The following ABHD17C variants were observed in gnomAD, a reference collection of about 807,000 sequenced individuals.
ABHD17C encodes alpha/beta hydrolase domain-containing protein 17C.
Under a neutral mutation model 27.9 loss-of-function variants are expected in ABHD17C, and 11 were observed. That is an observed-to-expected ratio of 0.39 (90% CI 0.25 to 0.65). The LOEUF (loss-of-function observed/expected upper bound fraction) is 0.65. Among genes scored for constraint, ABHD17C ranks in the 30% least tolerant of loss-of-function variants. The probability of loss-of-function intolerance (pLI) is 0.45; values close to 1 mark genes in which losing one functional copy is unlikely to be tolerated. For synonymous variants in ABHD17C, 233 were observed against 209.1 expected (o/e 1.11, Z -0.98); for missense variants, 280 against 470.2 (o/e 0.60, Z 3.74).
intron 1 of ABHD17C, among the ~76,000 whole-genome samples, chr15:80,735,078 T>A (rs2141513796): frequency 6.6e-6 from 1 of 152,312 alleles, no homozygotes; most frequent in East Asian, 1.9e-4. Context: ...GGCTGCTACT[T>A]CCGGCCACTT....
At position 80,753,465 on chromosome 15, in the gene ABHD17C, T is replaced by C. The variant is rs541332585; in HGVS notation, c.771-686T>C. On this transcript the variant is annotated intron_variant, in intron 2 of 2. Transcript: ENST00000258884. ...AGTTTTGACAGATGTATCACGGTAA[T>C]GTACAATGTTAACCTTACAGGAAAT... Among the ~76,000 whole-genome samples the C allele has an allele frequency of 5.3e-5, 8 of 152,358 alleles. No individual in the cohort carries two copies. The East Asian group carries it at 1.3e-3, about 26-fold the overall frequency.
At chr15:80,729,576 T>C (rs533427374) in intron 1 of ABHD17C, among the ~76,000 whole-genome samples, 1 of 152,330 alleles carries the variant, frequency 6.6e-6, no homozygotes, top group East Asian at 1.9e-4. Flanking sequence ...AAAACAGTTC[T>C]TGACTACCTT....
chr15:80,711,469 T>C (rs904198235), intron 1 of ABHD17C, among the ~76,000 whole-genome samples: 1 of 152,178 alleles, frequency 6.6e-6, no homozygotes, highest in Non-Finnish European at 1.5e-5. Context: ...TGATTTCCCA[T>C]AGGAGGCTCT....
chr15:80,730,646 T>A (rs1356192765), intron 1 of ABHD17C, among the ~76,000 whole-genome samples: 1 of 152,042 alleles, frequency 6.6e-6, no homozygotes, highest in East Asian at 1.9e-4. Context: ...GACACCAAGG[T>A]TGAGAATGTG....
intron 1 of ABHD17C, among the ~76,000 whole-genome samples, chr15:80,703,881 C>A (rs2141490496): frequency 6.6e-6 from 1 of 152,306 alleles, no homozygotes; most frequent in Non-Finnish European, 1.5e-5. Flanking sequence ...ATCTGGTTTA[C>A]ATTATGTTTT....
intron 1 of ABHD17C, among the ~76,000 whole-genome samples, chr15:80,719,759 T>G (rs1262532898): frequency 6.6e-6 from 1 of 152,206 alleles, no homozygotes; most frequent in Non-Finnish European, 1.5e-5. Flanking sequence ...CATGATTTCT[T>G]TATATTACAT....
At position 80,755,556 on chromosome 15, in the gene ABHD17C, T is replaced by C. The variant is rs3825793; in HGVS notation, c.*1186T>C. The C allele has an allele frequency of 1.3e-5, 2 of 152,086 alleles. No homozygotes were observed. The highest frequency in any genetic ancestry group is 4.8e-5 in the African/African-American group (2 of 41,412). 9.4% of individuals were successfully genotyped at this position (152,086 alleles called of 1,614,324 possible). On this transcript the variant is annotated 3_prime_UTR_variant, in exon 3 of 3. Transcript: ENST00000258884. ...CAACTGGACTGCGGTTGATTGCCAG[T>C]TTGTGTACTGTTGCTTGGATGCGGC...
At chr15:80,705,368 G>T (rs961202876) in intron 1 of ABHD17C, among the ~76,000 whole-genome samples, 13 of 4,330 alleles carry the variant, frequency 3.0e-3, no homozygotes, top group African/African-American at 7.6e-3. Flanking sequence ...TGTGTGTGTG[G>T]TTAGGAGCAT....
At chr15:80,726,608 G>A (rs961206099) in intron 1 of ABHD17C, among the ~76,000 whole-genome samples, 10 of 137,796 alleles carry the variant, frequency 7.3e-5, no homozygotes, top group South Asian at 2.5e-4. Flanking sequence ...GCCCCCCCGC[G>A]TTCACACCAT....
intron 1 of ABHD17C, among the ~76,000 whole-genome samples, chr15:80,744,850 C>T (rs1034751160): frequency 5.3e-5 from 8 of 152,064 alleles, no homozygotes; most frequent in African/African-American, 1.7e-4. Flanking sequence ...TAATTGTGGC[C>T]CTGTTTTTGT....
chr15:80,745,034 T>C (rs1360618956), intron 1 of ABHD17C, among the ~76,000 whole-genome samples: 1 of 152,226 alleles, frequency 6.6e-6, no homozygotes, highest in African/African-American at 2.4e-5. Context: ...CTGAAGTATC[T>C]GGTGAGCTTT....
At chr15:80,750,630 GT>G (rs1200174383) in intron 2 of ABHD17C, among the ~76,000 whole-genome samples, 1 of 152,160 alleles carries the variant, frequency 6.6e-6, no homozygotes, top group Non-Finnish European at 1.5e-5. Context: ...GGAACCTTCT[GT>G]TAACACCTTG....
chr15:80,738,328 G>T (rs1292942075), intron 1 of ABHD17C, among the ~76,000 whole-genome samples: 1 of 152,124 alleles, frequency 6.6e-6, no homozygotes, highest in Non-Finnish European at 1.5e-5. Context: ...TGGGAAGTTT[G>T]GGCAGCCAAG....
At chr15:80,716,575 A>G (rs1203989234) in intron 1 of ABHD17C, among the ~76,000 whole-genome samples, 1 of 152,124 alleles carries the variant, frequency 6.6e-6, no homozygotes, top group Admixed American at 6.5e-5. Flanking sequence ...GTAAGATGCC[A>G]TTAATAAAGG....
chr15:80,719,361 A>C (rs1894856950), intron 1 of ABHD17C, among the ~76,000 whole-genome samples: 2 of 152,158 alleles, frequency 1.3e-5, no homozygotes, highest in African/African-American at 4.8e-5. Context: ...TGTAATTTTT[A>C]GGTAATGTCC....
In ABHD17C at chr15:80,695,882, C is replaced by T. The variant is rs778332098; in HGVS notation, c.453C>T (p.Phe151=). The T allele has an allele frequency of 6.3e-7, 1 of 1,597,396 alleles. No homozygotes were observed. The highest frequency in any genetic ancestry group is 8.5e-7 in the Non-Finnish European group (1 of 1,179,304). ...TGGACCTGGGCCAGATGTGCAGCTT[C>T]TACATTGGCCTCGGCTCCCGCATCA... is the stretch of plus-strand genomic sequence containing the variant. The part of the protein sequence containing the change: ...NAVDLGQMCS[F]YIGLGSRINC... The change falls in exon 1 of 3, where the codon TTC becomes TTT. Residue 151 remains phenylalanine (F), a synonymous_variant. Transcript: ENST00000258884. This position sits in a 1 kb window ranked among gnomAD's most constrained non-coding sequence, Gnocchi z 4.3.
intron 1 of ABHD17C, among the ~76,000 whole-genome samples, chr15:80,698,514 A>C (rs554471683): frequency 6.6e-6 from 1 of 152,224 alleles, no homozygotes; most frequent in Non-Finnish European, 1.5e-5. Flanking sequence ...CTTGACTACC[A>C]GTTTAGTACT....
chr15:80,696,036 C>T lies in ABHD17C; in HGVS notation c.590+17C>T, dbSNP rs770210968. On this transcript the variant is annotated intron_variant, in intron 1 of 2. Transcript: ENST00000258884. Reference sequence around the variant, plus strand: ...GCGCACCCGGTGAGCCTGCCGGGGTCGCCAGGCCTGACTTCCAGCTGTGGG... The same window carrying T: ...GCGCACCCGGTGAGCCTGCCGGGGTTGCCAGGCCTGACTTCCAGCTGTGGG... The T allele has an allele frequency of 6.5e-7, 1 of 1,541,946 alleles. No homozygotes were observed. The highest frequency in any genetic ancestry group is 1.9e-5 in the Admixed American group (1 of 52,214).
intron 1 of ABHD17C, among the ~76,000 whole-genome samples, chr15:80,732,601 C>T (rs1247599792): frequency 6.6e-6 from 1 of 151,992 alleles, no homozygotes; most frequent in East Asian, 1.9e-4. Flanking sequence ...TTTCTGGTTG[C>T]AGAATGGAAA....
Sources: allele counts gnomAD v4.1 joint callset (sites outside exome capture counted in the v4.1 genomes callset), GRCh38; gene constraint gnomAD v4.1.1; non-coding constraint Gnocchi (gnomAD v3.1); transcripts MANE v1.5; gene names NCBI Gene and HGNC (gene_info 2026-07-23, HGNC 2026-07-21).